The following NALF1 variants were observed in gnomAD, a reference collection of about 807,000 sequenced individuals.
The protein encoded by NALF1 is NALCN channel auxiliary factor 1.
In NALF1, 3 loss-of-function variants were observed where a neutral mutation model predicts 48.4. The ratio of observed to expected loss-of-function variants is 0.06; its 90% CI spans 0.03 to 0.16. NALF1 has a LOEUF of 0.16. Ranked by LOEUF, NALF1 falls within the 10% of genes least tolerant of loss-of-function variation. The probability of loss-of-function intolerance (pLI) is 1.00; values close to 1 mark genes in which losing one functional copy is unlikely to be tolerated. For synonymous variants in NALF1, 262 were observed against 245.7 expected, an observed-to-expected ratio of 1.07 and a Z score of -0.62; for missense variants, 526 against 571.5, an observed-to-expected ratio of 0.92 and a Z score of 0.81.
intron 1 of NALF1, among the ~76,000 whole-genome samples, chr13:107,827,696 C>T (rs1486043073): frequency 2.0e-5 from 3 of 152,192 alleles, no homozygotes; most frequent in Non-Finnish European, 4.4e-5. Flanking sequence ...CTTTGCCCCA[C>T]AAATCAATAA....
At chr13:107,295,783 A>C (rs1881713473) in intron 1 of NALF1, among the ~76,000 whole-genome samples, 1 of 152,220 alleles carries the variant, frequency 6.6e-6, no homozygotes, top group African/African-American at 2.4e-5. Flanking sequence ...ATTTTATTTT[A>C]AATCAAAACC....
chr13:107,721,581 G>C (rs1249706329), intron 1 of NALF1, among the ~76,000 whole-genome samples: 2 of 152,194 alleles, frequency 1.3e-5, no homozygotes, highest in Non-Finnish European at 2.9e-5. Flanking sequence ...CACGCTGCAG[G>C]AAATTGCAGG....
chr13:107,195,721 T>C (rs2138788827), intron 2 of NALF1, among the ~76,000 whole-genome samples: 1 of 152,314 alleles, frequency 6.6e-6, no homozygotes, highest in Admixed American at 6.5e-5. Context: ...TTAGTAAATG[T>C]TTGTTGACTG....
chr13:107,644,642 C>CACATATATAT (rs1555314846), intron 1 of NALF1, among the ~76,000 whole-genome samples: 4 of 92,216 alleles, frequency 4.3e-5, no homozygotes, highest in African/African-American at 1.1e-4. Context: ...TACATACATA[C>CACATATATAT]ATACATATAT....
intron 1 of NALF1, among the ~76,000 whole-genome samples, chr13:107,409,977 C>T (rs1371265029): frequency 6.6e-6 from 1 of 152,116 alleles, no homozygotes; most frequent in Non-Finnish European, 1.5e-5. Context: ...TAAGCATATG[C>T]AGTAATGCAA....
At chr13:107,500,417 T>A (rs1223621) in intron 1 of NALF1, among the ~76,000 whole-genome samples, 1 of 151,642 alleles carries the variant, frequency 6.6e-6, no homozygotes, top group Non-Finnish European at 1.5e-5. Context: ...CCATCTCACA[T>A]CAGTTAGAAT....
At chr13:107,571,265 T>C (rs898981877) in intron 1 of NALF1, among the ~76,000 whole-genome samples, 3 of 152,148 alleles carry the variant, frequency 2.0e-5, no homozygotes, top group African/African-American at 7.2e-5. Flanking sequence ...CCTTGGATGC[T>C]TGGGACTCAT....
chr13:107,599,339 A>C (rs988152591), intron 1 of NALF1, among the ~76,000 whole-genome samples: 12 of 151,232 alleles, frequency 7.9e-5, no homozygotes. Context: ...GGAGAATGGC[A>C]TGAACCTGGG....
At chr13:107,775,488 C>T (rs1277520453) in intron 1 of NALF1, among the ~76,000 whole-genome samples, 1 of 151,922 alleles carries the variant, frequency 6.6e-6, no homozygotes, top group Non-Finnish European at 1.5e-5. Flanking sequence ...CAAGTCTTTG[C>T]TATTGTGAAG....
intron 1 of NALF1, among the ~76,000 whole-genome samples, chr13:107,350,191 T>C (rs1277285665): frequency 6.6e-6 from 1 of 152,208 alleles, no homozygotes; most frequent in East Asian, 1.9e-4. Flanking sequence ...AACTGAGGGT[T>C]GGGGACCCCT....
chr13:107,801,950 A>G (rs919029723), intron 1 of NALF1, among the ~76,000 whole-genome samples: 3 of 152,120 alleles, frequency 2.0e-5, no homozygotes, highest in African/African-American at 7.2e-5. Context: ...TCTGTGTATC[A>G]GCAGTTTAAG....
intron 1 of NALF1, among the ~76,000 whole-genome samples, chr13:107,227,526 A>G (rs563081690): frequency 6.6e-6 from 1 of 152,378 alleles, no homozygotes; most frequent in South Asian, 2.1e-4. Context: ...CATAAGGTTA[A>G]AAGTTTAGCA....
chr13:107,825,987 G>T (rs1879504358), intron 1 of NALF1, among the ~76,000 whole-genome samples: 2 of 152,156 alleles, frequency 1.3e-5, no homozygotes, highest in African/African-American at 4.8e-5. Flanking sequence ...CACCATGTTG[G>T]TCAGGCTGGC....
intron 1 of NALF1, among the ~76,000 whole-genome samples, chr13:107,469,242 A>T (rs548506255): frequency 1.3e-5 from 2 of 152,352 alleles, no homozygotes; most frequent in South Asian, 4.1e-4. Flanking sequence ...CTGCATATAA[A>T]TTCTTTAAAT....
chr13:107,396,872 T>A (rs1282531053), intron 1 of NALF1, among the ~76,000 whole-genome samples: 1 of 152,196 alleles, frequency 6.6e-6, no homozygotes, highest in Non-Finnish European at 1.5e-5. Flanking sequence ...AAAGTATCAA[T>A]AATACTTGGC....
intron 1 of NALF1, among the ~76,000 whole-genome samples, chr13:107,464,474 GT>G (rs1167762500): frequency 6.6e-6 from 1 of 151,936 alleles, no homozygotes; most frequent in Admixed American, 6.6e-5. Context: ...GATTTTTTGT[GT>G]TTTCAGAAAT....
At chr13:107,689,327 C>T (rs535976457) in intron 1 of NALF1, among the ~76,000 whole-genome samples, 3 of 152,178 alleles carry the variant, frequency 2.0e-5, no homozygotes, top group Admixed American at 6.5e-5. Context: ...CTACTGACTA[C>T]GTTTTATGAC....
At chr13:107,359,487 A>C (rs1049566992) in intron 1 of NALF1, among the ~76,000 whole-genome samples, 1 of 152,180 alleles carries the variant, frequency 6.6e-6, no homozygotes, top group Non-Finnish European at 1.5e-5. Context: ...TATGCTTTTA[A>C]AAGTGGACAG....
intron 1 of NALF1, among the ~76,000 whole-genome samples, chr13:107,771,950 T>C (rs946636641): frequency 6.6e-6 from 1 of 152,128 alleles, no homozygotes; most frequent in African/African-American, 2.4e-5. Context: ...TTGGCCAGGA[T>C]GGTATCGATC....
Sources: allele counts gnomAD v4.1 joint callset (sites outside exome capture counted in the v4.1 genomes callset), GRCh38; gene constraint gnomAD v4.1.1; transcripts MANE v1.5; gene names NCBI Gene and HGNC (gene_info 2026-07-23, HGNC 2026-07-21).